E2F3: variants seen among roughly 807,000 people sequenced by gnomAD.
E2F3 encodes transcription factor E2F3.
E2F3 carries 11 observed loss-of-function variants against 44.4 expected under a neutral mutation model. The ratio of observed to expected loss-of-function variants is 0.25; its 90% confidence interval spans 0.16 to 0.41. The LOEUF is 0.41. Among genes scored for constraint, E2F3 ranks in the 10% least tolerant of loss-of-function variants. The pLI, the probability that E2F3 is intolerant of heterozygous loss-of-function variation, is 1.00. For missense variants in E2F3, 487 were observed against 583.6 expected (o/e 0.83, Z 1.70); for synonymous variants, 249 against 253.0 (o/e 0.98, Z 0.15).
intron 1 of E2F3, chr6:20,452,569 T>C (rs763800554): frequency 5.9e-5 from 9 of 152,206 alleles, no homozygotes; most frequent in Non-Finnish European, 1.0e-4. Flanking sequence ...CCAATCTCAT[T>C]TGTAAAATAT....
At chr6:20,404,785 AT>A (rs1759438683) in intron 1 of E2F3, among the ~76,000 whole-genome samples, 4 of 152,178 alleles carry the variant, frequency 2.6e-5, no homozygotes, top group African/African-American at 9.7e-5. Context: ...CTGCTTAGAC[AT>A]AGCAGTATCC....
At position 20,427,148 on chromosome 6, in the gene E2F3, C is replaced by A. The variant is rs79114839; in HGVS notation, c.393+24523C>A. Among the ~76,000 whole-genome samples, 792 of 152,280 alleles carry A rather than the reference C, an allele frequency of 5.2e-3. 5 individuals are homozygous for A. The highest frequency in any genetic ancestry group is 0.017 in the African/African-American group (702 of 41,550). On this transcript the variant is annotated intron_variant, in intron 1 of 6. Transcript: ENST00000346618. ...AAGAAGACAAATGTTCACTACCACT[C>A]CTGCCTGCCTTCCCTGGGCATATCG...
At chr6:20,415,445 C>T (rs1759814377) in intron 1 of E2F3, among the ~76,000 whole-genome samples, 1 of 152,138 alleles carries the variant, frequency 6.6e-6, no homozygotes, top group Non-Finnish European at 1.5e-5. Flanking sequence ...CTGTCCTGTG[C>T]ATTGTAGCAA....
chr6:20,464,288 G>A (rs1761627897), intron 1 of E2F3, among the ~76,000 whole-genome samples: 1 of 152,214 alleles, frequency 6.6e-6, no homozygotes, highest in Non-Finnish European at 1.5e-5. Context: ...CTCTTTGTCA[G>A]TCAATCAGAG....
chr6:20,431,314 G>A (rs1193469410), intron 1 of E2F3, among the ~76,000 whole-genome samples: 1 of 152,138 alleles, frequency 6.6e-6, no homozygotes, highest in Non-Finnish European at 1.5e-5. Flanking sequence ...TCTGGAGAAG[G>A]AACCAGCTGC....
intron 4 of E2F3, among the ~76,000 whole-genome samples, chr6:20,486,295 A>G (rs780725103): frequency 5.3e-5 from 8 of 152,044 alleles, no homozygotes; most frequent in African/African-American, 1.9e-4. Flanking sequence ...TTTTTTGAGA[A>G]GGAGTCTCGC....
chr6:20,442,242 A>G (rs1349058452), intron 1 of E2F3, among the ~76,000 whole-genome samples: 3 of 152,204 alleles, frequency 2.0e-5, no homozygotes, highest in Non-Finnish European at 4.4e-5. Flanking sequence ...AGGTGAGCCA[A>G]CACAGCGAAG....
chr6:20,445,549 A>G (rs1760916289), intron 1 of E2F3, among the ~76,000 whole-genome samples: 1 of 152,132 alleles, frequency 6.6e-6, no homozygotes, highest in African/African-American at 2.4e-5. Context: ...CTTAGCATTG[A>G]TACCCCCTCT....
intron 1 of E2F3, among the ~76,000 whole-genome samples, chr6:20,456,288 C>G (rs983792106): frequency 2.7e-5 from 4 of 149,620 alleles, no homozygotes; most frequent in African/African-American, 4.9e-5. Context: ...ACCAAGGTTT[C>G]TTGCCATTCC....
chr6:20,422,191 C>T (rs1190186379), intron 1 of E2F3, among the ~76,000 whole-genome samples: 2 of 152,160 alleles, frequency 1.3e-5, no homozygotes, highest in South Asian at 2.1e-4. Context: ...TGCTGCTTCG[C>T]GTTGCACTTT....
chr6:20,402,218 G>C lies in E2F3; in HGVS notation c.-15G>C. 1 of 1,579,664 alleles carries C rather than the reference G, an allele frequency of 6.3e-7. No homozygotes were observed. The highest frequency in any genetic ancestry group is 8.5e-7 in the Non-Finnish European group (1 of 1,170,116). ...CATTAATATACCATAACACTAAAAA[G>C]AGCAGGAGCGAGAGATGAGAAAGGG... On this transcript the variant is annotated 5_prime_UTR_variant, in exon 1 of 7. Coordinates refer to ENST00000346618, the MANE Select transcript of E2F3 (RefSeq NM_001949.5). The surrounding 1 kb of genome is among the most constrained non-coding windows in gnomAD (Gnocchi z 5.6).
chr6:20,417,560 C>G (rs1759888038), intron 1 of E2F3, among the ~76,000 whole-genome samples: 1 of 148,908 alleles, frequency 6.7e-6, no homozygotes, highest in African/African-American at 2.5e-5. Flanking sequence ...AAAGATGTTA[C>G]TTGATTTTTA....
intron 4 of E2F3, among the ~76,000 whole-genome samples, chr6:20,483,543 CCT>C (rs1762299711): frequency 6.6e-6 from 1 of 152,148 alleles, no homozygotes; most frequent in Non-Finnish European, 1.5e-5. Flanking sequence ...CCTCTCAATT[CCT>C]CTGTTCCACT....
intron 1 of E2F3, among the ~76,000 whole-genome samples, chr6:20,478,030 C>CA (rs34033254): frequency 7.9e-4 from 113 of 142,188 alleles, no homozygotes; most frequent in Non-Finnish European, 8.9e-4. Context: ...CATCTCTACC[C>CA]AAAAAAAAAA....
intron 1 of E2F3, among the ~76,000 whole-genome samples, chr6:20,413,930 G>T (rs573631203): frequency 1.3e-5 from 2 of 152,170 alleles, no homozygotes; most frequent in Non-Finnish European, 2.9e-5. Flanking sequence ...AACTCCAGGG[G>T]CTGGAAGAAT....
At position 20,491,437 on chromosome 6, in the gene E2F3, T is replaced by G. The variant is rs1561891396; in HGVS notation, c.*1007T>G. 4.5e-6 allele frequency: 1 copy of G among 223,240 alleles called. No homozygotes were observed. The highest frequency in any genetic ancestry group is 9.0e-6 in the Non-Finnish European group (1 of 111,536). 13.8% of individuals were successfully genotyped at this position (223,240 alleles called of 1,614,324 possible). On this transcript the variant is annotated 3_prime_UTR_variant, in exon 7 of 7. Transcript: ENST00000346618. ...GGAGCTTTGTCCCATCGTGCTTCCATTCCCAGGAGGGGGAGCTTGGAGCGA... is the reference window on the plus strand; with the variant it reads ...GGAGCTTTGTCCCATCGTGCTTCCAGTCCCAGGAGGGGGAGCTTGGAGCGA...
At chr6:20,476,192 AAAC>A (rs1762038355) in intron 1 of E2F3, among the ~76,000 whole-genome samples, 1 of 152,164 alleles carries the variant, frequency 6.6e-6, no homozygotes, top group Non-Finnish European at 1.5e-5. Flanking sequence ...TAACATGGTG[AAAC>A]CCCGTCTCTA....
At position 20,402,613 on chromosome 6, in the gene E2F3, C is replaced by T; in HGVS notation, c.381C>T (p.Gly127=). The change falls in exon 1 of 7, where the codon GGC becomes GGT. Residue 127 remains glycine, a synonymous_variant. Transcript: ENST00000346618. This position sits in a 1 kb window ranked among gnomAD's most constrained non-coding sequence, Gnocchi z 5.6. ...TGGGACGCGGCGGCAGCGGCGGCGG[C>T]GGCGGCCCTCCGGTAATACCCTCCC... ...PALGRGGSGG[G]GGPPAKRRLE... The T allele has an allele frequency of 2.2e-6, 3 of 1,338,528 alleles. No homozygotes were observed. Among genetic ancestry groups the T allele is most frequent in the Middle Eastern group, 2.6e-4 (1 of 3,862 alleles). 82.9% of individuals were successfully genotyped at this position (1,338,528 alleles called of 1,614,324 possible).
At chr6:20,465,889 A>G (rs1761686921) in intron 1 of E2F3, among the ~76,000 whole-genome samples, 1 of 152,150 alleles carries the variant, frequency 6.6e-6, no homozygotes. Flanking sequence ...GCAATTGTGA[A>G]TCGTGCTGCT....
Sources: gnomAD v4.1 joint callset for allele counts (sites outside exome capture counted in the v4.1 genomes callset) on GRCh38, gnomAD v4.1.1 for gene constraint, Gnocchi (gnomAD v3.1) non-coding constraint, MANE v1.5 for transcripts, NCBI Gene and HGNC (gene_info 2026-07-23, HGNC 2026-07-21) for gene names.